The following LAYN variants were observed in gnomAD, a reference collection of about 807,000 sequenced individuals.
LAYN encodes layilin.
Under a neutral mutation model 43.6 loss-of-function variants are expected in LAYN, and 38 were observed. The ratio of observed to expected loss-of-function variants is 0.87; its 90% CI spans 0.67 to 1.14. The LOEUF (loss-of-function observed/expected upper bound fraction) is 1.14, where lower values mean the gene tolerates loss of function less well. LAYN is among the 50% of genes most tolerant of loss of function. The pLI is 0.00. For missense variants in LAYN, 479 were observed against 463.8 expected (o/e 1.03, Z -0.30); for synonymous variants, 168 against 172.9 (o/e 0.97, Z 0.22).
intron 1 of LAYN, among the ~76,000 whole-genome samples, 170 bp from the exon 2 acceptor site, chr11:111,543,753 G>C (rs559128572): frequency 1.6e-4 from 24 of 152,278 alleles, no homozygotes; most frequent in Admixed American, 1.6e-3. Context: ...ACATCTCCAT[G>C]CTGGAAGGAG....
rs956941118 is a variant in LAYN at position 111,560,728 on chromosome 11, G to T, written c.*270G>T. ...CTCAATAAATGTCACTTGGTTGGTT[G>T]TATCTAACTTTTAAGGGACAGAGCT... On this transcript the variant is annotated 3_prime_UTR_variant, in exon 7 of 7. Transcript: ENST00000375614. The T allele has an allele frequency of 2.0e-5, 8 of 392,442 alleles. No homozygotes were observed. Among genetic ancestry groups the T allele is most frequent in the Non-Finnish European group, 3.7e-5 (8 of 216,442 alleles). The allele number at this position is 392,442 out of a possible 1,614,324, so 24.3% of individuals were successfully genotyped here.
chr11:111,554,736 C>T (rs1409472396), intron 4 of LAYN, 143 bp downstream of exon 4: 10 of 659,608 alleles, frequency 1.5e-5, no homozygotes, highest in Admixed American at 2.9e-5. Flanking sequence ...CAGGTATACA[C>T]CACACCCAGC....
rs200355216 is a variant in LAYN, at chr11:111,543,937, C to T, written c.100C>T (p.Arg34Trp). 26 of 1,611,394 alleles carry T rather than the reference C, an allele frequency of 1.6e-5. No individual in the cohort carries two copies. The highest frequency in any genetic ancestry group is 6.7e-5 in the East Asian group (3 of 44,878). ...GRLLSGQPVC[R>W]GGTQRPCYKV... The stretch of plus-strand genomic sequence containing the variant: ...TTTTTCTCTAGGGCAGCCAGTCTGC[C>T]GGGGAGGGACACAGAGGCCTTGTTA... The change falls in exon 2 of 7, where the codon CGG (arginine) becomes TGG (tryptophan). Residue 34 changes from arginine to tryptophan, a missense_variant. Transcript: ENST00000375614.
In LAYN at chr11:111,560,477, A is replaced by G. The variant is rs1028424497; in HGVS notation, c.*19A>G. ...TTATTAGGACATATAAAAAACTGAAACTGACAACAATGGAAAAGAAATGAT... is the reference window on the plus strand; with the variant it reads ...TTATTAGGACATATAAAAAACTGAAGCTGACAACAATGGAAAAGAAATGAT... On this transcript the variant is annotated 3_prime_UTR_variant, in exon 7 of 7. Transcript: ENST00000375614. 5.0e-6 allele frequency: 8 copies of G among 1,585,510 alleles called. No individual in the cohort carries two copies. In the African/African-American group the frequency reaches 9.5e-5, roughly 19 times the overall value.
intron 2 of LAYN, among the ~76,000 whole-genome samples, chr11:111,547,523 T>G (rs556058924): frequency 1.3e-5 from 2 of 152,354 alleles, no homozygotes; most frequent in East Asian, 3.9e-4. Context: ...CCCAACAAAC[T>G]GTTTCAGATT....
chr11:111,553,609 ACT>A lies in LAYN; in HGVS notation c.542-946_542-945del, dbSNP rs1867780102. ...ACTCCAGCCTGGGTGACAGAGCAAGACTCTCTCACATAAAAAAAAAAAAAAAC... is the reference window on the plus strand; with the variant it reads ...ACTCCAGCCTGGGTGACAGAGCAAGACTCTCACATAAAAAAAAAAAAAAAC... On this transcript the variant is annotated intron_variant, in intron 3 of 6. Transcript: ENST00000375614. Among the ~76,000 whole-genome samples the A allele has an allele frequency of 1.0e-4, 14 of 139,704 alleles. No homozygotes were observed. The South Asian group carries it at 3.2e-3, about 32-fold the overall frequency. 91.7% of individuals were successfully genotyped at this position (139,704 alleles called of 152,430 possible).
Position 111,549,859 on chromosome 11 carries a change from A to G in LAYN, c.541+84A>G, listed in dbSNP as rs572600082. On this transcript the variant is annotated intron_variant, in intron 3 of 6. Coordinates refer to ENST00000375614, the MANE Select transcript of LAYN (RefSeq NM_178834.5). ...CTGCTGCTAGTACCAAGAATTTGTCATGTGGTCTCTGAGAAAGCTTGTTGC... is the reference window on the plus strand; with the variant it reads ...CTGCTGCTAGTACCAAGAATTTGTCGTGTGGTCTCTGAGAAAGCTTGTTGC... 2.2e-5 allele frequency: 31 copies of G among 1,425,906 alleles called. No homozygotes were observed. The African/African-American group carries it at 2.9e-4, about 14-fold the overall frequency. The allele number at this position is 1,425,906 out of a possible 1,614,324, so 88.3% of individuals were successfully genotyped here.
rs763383905 is a variant in LAYN, at chr11:111,549,673, C to G, written c.439C>G (p.His147Asp). Residue 147 changes from histidine to aspartate, a missense_variant, in exon 3 of 7, where the codon CAT (histidine) becomes GAT (aspartate). His to Asp is a moderately conservative substitution (Grantham distance 81). Transcript: ENST00000375614. Reference protein sequence around the residue: ...CGSEVCVVMYHQPSAPAGIGG... With the variant: ...CGSEVCVVMYDQPSAPAGIGG... ...CAGCGAGGTCTGCGTGGTCATGTAC[C>G]ATCAGCCATCGGCACCCGCTGGCAT... The G allele has an allele frequency of 5.6e-6, 9 of 1,602,550 alleles. No individual in the cohort carries two copies. In the Admixed American group the frequency reaches 8.6e-5, roughly 15 times the overall value.
intron 3 of LAYN, among the ~76,000 whole-genome samples, chr11:111,553,333 C>T (rs746972368): frequency 1.2e-4 from 18 of 151,986 alleles, no homozygotes; most frequent in African/African-American, 2.4e-5. Flanking sequence ...CTTAGAACAG[C>T]CCAGGCACAG....
chr11:111,558,827 G>A (rs186149762), intron 6 of LAYN, among the ~76,000 whole-genome samples: 375 of 147,968 alleles, frequency 2.5e-3, no homozygotes, highest in African/African-American at 8.5e-3. Flanking sequence ...TTTCTCTGTC[G>A]CCCAGGCTGG....
At position 111,560,165 on chromosome 11, in the gene LAYN, A is replaced by G; in HGVS notation, c.832A>G (p.Ser278Gly). 6.2e-7 allele frequency: 1 copy of G among 1,614,230 alleles called. No homozygotes were observed. The change falls in exon 7 of 7, where the codon AGC becomes GGC. Residue 278 changes from serine to glycine, a missense_variant. Coordinates refer to ENST00000375614, the MANE Select transcript of LAYN (RefSeq NM_178834.5). ...TIWPSPHQGN[S>G]PDLEVYNVIR... is the part of the protein sequence containing the mutation. ...CTGGCCCTCTCCTCACCAGGGAAAC[A>G]GCCCGGACCTAGAGGTCTACAATGT...
At chr11:111,558,390 T>A (rs190227041) in intron 6 of LAYN, among the ~76,000 whole-genome samples, 1 of 152,282 alleles carries the variant, frequency 6.6e-6, no homozygotes, top group Admixed American at 6.5e-5. Context: ...CAATGTAAAA[T>A]CTATTTCAGT....
At chr11:111,552,874 C>T (rs756442627) in intron 3 of LAYN, among the ~76,000 whole-genome samples, 9 of 152,100 alleles carry the variant, frequency 5.9e-5, no homozygotes, top group South Asian at 2.1e-4. Context: ...GTTTTATCTC[C>T]GCTACCTAGC....
chr11:111,555,828 T>C (rs1274207967), intron 5 of LAYN, among the ~76,000 whole-genome samples: 1 of 152,226 alleles, frequency 6.6e-6, no homozygotes. Flanking sequence ...AAAAACCACT[T>C]TACTTCTCTG....
chr11:111,544,933 T>A (rs1407364365), intron 2 of LAYN, among the ~76,000 whole-genome samples: 1 of 151,848 alleles, frequency 6.6e-6, no homozygotes, highest in African/African-American at 2.4e-5. Context: ...AGACCGTTTA[T>A]AAAATAAAAA....
At chr11:111,541,396 C>A in intron 1 of LAYN, 1 of 671,598 alleles carries the variant, frequency 1.5e-6, no homozygotes. Context: ...GCCGTGGGAA[C>A]CCTGCCTGTT....
chr11:111,555,725 A>G (rs565587607), intron 5 of LAYN, among the ~76,000 whole-genome samples: 7 of 152,378 alleles, frequency 4.6e-5, no homozygotes, highest in Admixed American at 3.3e-4. Flanking sequence ...AAAAGAAAAT[A>G]GGATGACACA....
intron 3 of LAYN, 41 bp downstream of exon 3, chr11:111,549,816 C>G: frequency 6.4e-7 from 1 of 1,564,670 alleles, no homozygotes; most frequent in Non-Finnish European, 8.6e-7. Context: ...GAATTCTCAA[C>G]TTCTCTCATT....
At chr11:111,551,181 A>G (rs117847213) in intron 3 of LAYN, among the ~76,000 whole-genome samples, 4,440 of 152,310 alleles carry the variant, frequency 0.029, 140 homozygotes, top group Admixed American at 0.084. Context: ...GCTTGGGGTC[A>G]TGAAAGAGGA....
Sources: allele counts gnomAD v4.1 joint callset (sites outside exome capture counted in the v4.1 genomes callset), GRCh38; gene constraint gnomAD v4.1.1; transcripts MANE v1.5; gene names NCBI Gene and HGNC (gene_info 2026-07-23, HGNC 2026-07-21).